PRKAR1A: variants seen among roughly 807,000 people sequenced by gnomAD.
PRKAR1A encodes the protein cAMP-dependent protein kinase type I-alpha regulatory subunit.
In PRKAR1A, 3 loss-of-function variants were observed where a neutral mutation model predicts 52.0. That is an observed-to-expected ratio of 0.06 (90% CI 0.03 to 0.15). The LOEUF is 0.15. PRKAR1A is among the 10% of genes least tolerant of loss of function. PRKAR1A has a pLI of 1.00. For synonymous variants in PRKAR1A, 188 were observed against 168.4 expected (o/e 1.12, Z -0.90); for missense variants, 240 against 477.4 (o/e 0.50, Z 4.63).
chr17:68,525,166 A>T (rs1184276342), intron 6 of PRKAR1A, among the ~76,000 whole-genome samples: 1 of 151,992 alleles, frequency 6.6e-6, no homozygotes, highest in Non-Finnish European at 1.5e-5. Context: ...GTGGTGAAGA[A>T]GTGTGTGTAG....
At chr17:68,522,460 C>T (rs2085642003) in intron 2 of PRKAR1A, among the ~76,000 whole-genome samples, 1 of 152,192 alleles carries the variant, frequency 6.6e-6, no homozygotes, top group African/African-American at 2.4e-5. Flanking sequence ...GTTGTCAAGA[C>T]ATTAATGAAT....
At chr17:68,476,522 C>T in the PRKAR1A span, among the ~76,000 whole-genome samples, 1 of 152,130 alleles carries the variant, frequency 6.6e-6, no homozygotes, top group Admixed American at 6.6e-5. Context: ...CAGCTTTCCT[C>T]CCGGGGCAAC....
intron 9 of PRKAR1A, 48 bp from the exon 10 acceptor site, chr17:68,529,872 G>A: frequency 6.4e-7 from 1 of 1,569,032 alleles, no homozygotes; most frequent in Non-Finnish European, 8.8e-7. Context: ...GTGCCACCCT[G>A]GGTTTGAGAG....
In PRKAR1A at chr17:68,531,279, A is replaced by G; in HGVS notation, c.*830A>G. The G allele has an allele frequency of 1.9e-6, 2 of 1,066,342 alleles. No homozygotes were observed. The highest frequency in any genetic ancestry group is 9.1e-5 in the South Asian group (2 of 21,996). The allele number at this position is 1,066,342 out of a possible 1,614,324, so 66.1% of individuals were successfully genotyped here. A position where few individuals can be genotyped will look rare whatever the true frequency, so the allele number is the denominator to read the frequency against. On this transcript the variant is annotated 3_prime_UTR_variant, in exon 11 of 11. Transcript: ENST00000589228. ...ATTGATCAGATGCTGAATTGAGAAT[A>G]AGAATTTGAGGTCTACATTCTTGGT...
chr17:68,434,379 C>CA, the PRKAR1A span, among the ~76,000 whole-genome samples: 1 of 152,212 alleles, frequency 6.6e-6, no homozygotes, highest in Non-Finnish European at 1.5e-5. Flanking sequence ...TCTCGGCTTT[C>CA]AGTTTTGCTG....
intron 11 of PRKAR1A, among the ~76,000 whole-genome samples, chr17:68,546,694 G>A (rs1264976324): frequency 6.6e-6 from 1 of 152,080 alleles, no homozygotes; most frequent in African/African-American, 2.4e-5. Context: ...TCCGGGCATG[G>A]TGGCCGGCGC....
At chr17:68,443,786 G>A in the PRKAR1A span, among the ~76,000 whole-genome samples, 5 of 152,210 alleles carry the variant, frequency 3.3e-5, no homozygotes, top group Non-Finnish European at 7.3e-5. Flanking sequence ...AATATAATCT[G>A]CAAATATTAA....
chr17:68,551,236 C>G, exon 12 of PRKAR1A: 4 of 829,996 alleles, frequency 4.8e-6, no homozygotes, highest in Non-Finnish European at 6.5e-6. Flanking sequence ...CATATTATTT[C>G]ACTCATCTCT....
At chr17:68,547,013 T>C (rs2086603521) in intron 11 of PRKAR1A, among the ~76,000 whole-genome samples, 1 of 149,808 alleles carries the variant, frequency 6.7e-6, no homozygotes, top group Admixed American at 6.6e-5. Context: ...AAGGAATCTT[T>C]TTTTTTTTCT....
chr17:68,436,315 C>G, the PRKAR1A span: 1 of 1,466,434 alleles, frequency 6.8e-7, no homozygotes, highest in Non-Finnish European at 9.5e-7. Flanking sequence ...GCGTCCTTAT[C>G]TATCTCCTTC....
chr17:68,490,984 A>G, the PRKAR1A span, among the ~76,000 whole-genome samples: 2,879 of 152,090 alleles, frequency 0.019, 111 homozygotes, highest in African/African-American at 0.065. Flanking sequence ...ATCAGCCTTC[A>G]TCTCTGTCCT....
At chr17:68,437,424 A>G in the PRKAR1A span, among the ~76,000 whole-genome samples, 2 of 151,862 alleles carry the variant, frequency 1.3e-5, no homozygotes, top group South Asian at 2.1e-4. Flanking sequence ...GTGTGGTTGC[A>G]TGTGCCTGTA....
At chr17:68,535,661 A>T (rs983581569), downstream of PRKAR1A, 4 of 445,350 alleles carry the variant, frequency 9.0e-6, no homozygotes, top group African/African-American at 2.1e-5. Context: ...GAGTTGATTT[A>T]AAAAAAAATT....
intron 2 of PRKAR1A, among the ~76,000 whole-genome samples, chr17:68,519,819 G>C (rs2085547931): frequency 6.6e-6 from 1 of 152,222 alleles, no homozygotes; most frequent in Non-Finnish European, 1.5e-5. Flanking sequence ...TGTCTGCTGT[G>C]TCAGGTACTG....
the PRKAR1A span, among the ~76,000 whole-genome samples, chr17:68,497,726 A>G: frequency 6.6e-6 from 1 of 152,332 alleles, no homozygotes; most frequent in South Asian, 2.1e-4. Flanking sequence ...TGGATCAAGT[A>G]TGTTGCCCAA....
intron 2 of PRKAR1A, among the ~76,000 whole-genome samples, chr17:68,519,268 G>A (rs960289361): frequency 6.6e-6 from 1 of 152,166 alleles, no homozygotes; most frequent in Non-Finnish European, 1.5e-5. Context: ...ACCCAAGACT[G>A]GGTAATTTAT....
the PRKAR1A span, among the ~76,000 whole-genome samples, chr17:68,474,899 A>G: frequency 1.3e-5 from 2 of 152,160 alleles, no homozygotes; most frequent in African/African-American, 2.4e-5. Flanking sequence ...ATAAAGATAA[A>G]TAAATCACAA....
chr17:68,429,171 A>G, the PRKAR1A span, among the ~76,000 whole-genome samples: 2 of 152,194 alleles, frequency 1.3e-5, no homozygotes, highest in African/African-American at 4.8e-5. Context: ...AAGTGAGTGT[A>G]GATGCTGCGA....
chr17:68,457,283 C>A, the PRKAR1A span: 2 of 1,525,572 alleles, frequency 1.3e-6, no homozygotes, highest in East Asian at 5.4e-5. Flanking sequence ...CAGGACGACA[C>A]CCCTGGGTCC....
Sources: gnomAD v4.1 joint callset for allele counts (sites outside exome capture counted in the v4.1 genomes callset) on GRCh38, gnomAD v4.1.1 for gene constraint, MANE v1.5 for transcripts, NCBI Gene and HGNC (gene_info 2026-07-23, HGNC 2026-07-21) for gene names.